Variants in PLPP4 observed in about 807,000 individuals in gnomAD.
The protein encoded by PLPP4 is diacylglycerol pyrophosphate like 2.
Under a neutral mutation model 32.2 loss-of-function variants are expected in PLPP4, and 20 were observed. The observed-to-expected ratio is 0.62, with a 90% CI of 0.44 to 0.90. The LOEUF (loss-of-function observed/expected upper bound fraction) is 0.90, where lower values mean the gene tolerates loss of function less well. PLPP4 is among the 40% of genes least tolerant of loss of function. The pLI is 0.00. For synonymous variants in PLPP4, 127 were observed against 133.0 expected (o/e 0.95, Z 0.31); for missense variants, 257 against 353.1 (o/e 0.73, Z 2.18).
At chr10:120,553,857 A>G (rs533398762) in intron 5 of PLPP4, among the ~76,000 whole-genome samples, 56 of 152,272 alleles carry the variant, frequency 3.7e-4, no homozygotes, top group African/African-American at 1.2e-3. Context: ...GGCCCACGAG[A>G]AACTATTCTT....
intron 5 of PLPP4, among the ~76,000 whole-genome samples, chr10:120,566,453 T>C (rs1589894486): frequency 1.3e-5 from 2 of 152,256 alleles, no homozygotes; most frequent in East Asian, 3.9e-4. Context: ...GGCTTGTAGT[T>C]CTAAAATCTC....
At chr10:120,495,711 G>T (rs1844930532) in intron 1 of PLPP4, among the ~76,000 whole-genome samples, 2 of 152,088 alleles carry the variant, frequency 1.3e-5, no homozygotes, top group Non-Finnish European at 2.9e-5. Context: ...ACCAAATGAT[G>T]CAGAGTTTTG....
At chr10:120,573,974 TG>T (rs2134049563) in intron 5 of PLPP4, among the ~76,000 whole-genome samples, 1 of 152,240 alleles carries the variant, frequency 6.6e-6, no homozygotes, top group African/African-American at 2.4e-5. Context: ...CTGTGTGGGC[TG>T]GTTACCTAGG....
intron 6 of PLPP4, chr10:120,587,264 G>A (rs1849808038): frequency 6.6e-6 from 1 of 152,186 alleles, no homozygotes; most frequent in African/African-American, 2.4e-5. Flanking sequence ...TACAGCAGTG[G>A]GAAGGAGTCA....
At chr10:120,589,228 C>A in intron 6 of PLPP4, 75 bp from the exon 7 acceptor site, 2 of 1,457,856 alleles carry the variant, frequency 1.4e-6, no homozygotes, top group Non-Finnish European at 1.9e-6. Flanking sequence ...AGGAAAAGTG[C>A]TTTCTGGAAA....
At chr10:120,479,234 A>G (rs1052259386) in intron 1 of PLPP4, among the ~76,000 whole-genome samples, 2 of 151,620 alleles carry the variant, frequency 1.3e-5, no homozygotes, top group African/African-American at 2.4e-5. Context: ...TCAAAACAAA[A>G]CAAAACAAAA....
At chr10:120,536,957 A>T (rs1384924250) in intron 5 of PLPP4, among the ~76,000 whole-genome samples, 1 of 152,196 alleles carries the variant, frequency 6.6e-6, no homozygotes, top group East Asian at 1.9e-4. Flanking sequence ...AGCACTAATT[A>T]TGAGGGAAAT....
intron 1 of PLPP4, among the ~76,000 whole-genome samples, chr10:120,486,283 A>G (rs1213978386): frequency 6.6e-6 from 1 of 150,570 alleles, no homozygotes; most frequent in African/African-American, 2.4e-5. Flanking sequence ...TTTCCTCCTC[A>G]AATGCTCCTT....
At chr10:120,498,027 G>A (rs539353265) in intron 1 of PLPP4, among the ~76,000 whole-genome samples, 5 of 151,704 alleles carry the variant, frequency 3.3e-5, no homozygotes, top group South Asian at 4.2e-4. Flanking sequence ...GTGACAGAGC[G>A]AGACTCTGTC....
chr10:120,575,004 T>C lies in PLPP4; in HGVS notation c.446-127T>C, dbSNP rs75972493. ...CTAGCAGGAGCACAGATTGCCTAGA[T>C]AGTGCCTGGTGCCAACATGGCCTTG... On this transcript the variant is annotated intron_variant, in intron 5 of 6. Transcript: ENST00000398250. 107 of 878,552 alleles carry C rather than the reference T, an allele frequency of 1.2e-4. No individual in the cohort carries two copies. The East Asian group carries it at 2.4e-3, about 20-fold the overall frequency. 54.4% of individuals were successfully genotyped at this position (878,552 alleles called of 1,614,324 possible). A position where few individuals can be genotyped will look rare whatever the true frequency, so the allele number is the denominator to read the frequency against.
chr10:120,575,063 C>G, intron 5 of PLPP4, 68 bp from the exon 6 acceptor site: 1 of 1,527,952 alleles, frequency 6.5e-7, no homozygotes, highest in Non-Finnish European at 8.9e-7. Context: ...AGACGGAATG[C>G]CCAGCACGCA....
At chr10:120,521,809 G>A (rs1320258168) in intron 5 of PLPP4, among the ~76,000 whole-genome samples, 2 of 152,346 alleles carry the variant, frequency 1.3e-5, no homozygotes, top group Middle Eastern at 3.4e-3. Context: ...CATTTCTGGA[G>A]CAGCAGCTAT....
intron 3 of PLPP4, among the ~76,000 whole-genome samples, chr10:120,515,879 A>G (rs1300717876): frequency 6.6e-6 from 1 of 152,186 alleles, no homozygotes; most frequent in African/African-American, 2.4e-5. Context: ...TTTCATGGTT[A>G]TGGTTCTCAC....
intron 5 of PLPP4, among the ~76,000 whole-genome samples, chr10:120,562,857 G>A (rs1392926100): frequency 6.6e-6 from 1 of 152,114 alleles, no homozygotes; most frequent in African/African-American, 2.4e-5. Context: ...TACCTGTATG[G>A]TTTTGGAATC....
At chr10:120,469,113 A>G (rs1848406661) in intron 1 of PLPP4, among the ~76,000 whole-genome samples, 1 of 65,152 alleles carries the variant, frequency 1.5e-5, no homozygotes, top group African/African-American at 3.3e-5. Context: ...AACACACAGA[A>G]TATTATCTAG....
At chr10:120,474,689 C>A (rs1273124033) in intron 1 of PLPP4, among the ~76,000 whole-genome samples, 2 of 152,058 alleles carry the variant, frequency 1.3e-5, no homozygotes, top group African/African-American at 4.8e-5. Context: ...CAAAAAAAAT[C>A]ATATTGTTCA....
chr10:120,492,973 C>T (rs530148814), intron 1 of PLPP4, among the ~76,000 whole-genome samples: 4 of 152,308 alleles, frequency 2.6e-5, no homozygotes, highest in African/African-American at 9.6e-5. Flanking sequence ...CCTAAACCCC[C>T]CTAAATGTTT....
intron 5 of PLPP4, among the ~76,000 whole-genome samples, chr10:120,524,782 A>G (rs1035315771): frequency 1.3e-5 from 2 of 152,150 alleles, no homozygotes; most frequent in African/African-American, 4.8e-5. Context: ...CATCCAACCT[A>G]AAAGAAGCTT....
At chr10:120,475,887 C>G (rs1474594337) in intron 1 of PLPP4, among the ~76,000 whole-genome samples, 2 of 120,490 alleles carry the variant, frequency 1.7e-5, no homozygotes, top group Non-Finnish European at 3.6e-5. Context: ...GGTTGTTATC[C>G]TGGCATGATG....
Sources: allele counts gnomAD v4.1 joint callset (sites outside exome capture counted in the v4.1 genomes callset), GRCh38; gene constraint gnomAD v4.1.1; transcripts MANE v1.5; gene names NCBI Gene and HGNC (gene_info 2026-07-23, HGNC 2026-07-21).